Variants in PTK2B observed in about 807,000 individuals in gnomAD.
PTK2B encodes the protein protein-tyrosine kinase 2-beta.
A neutral mutation model predicts 142.9 loss-of-function variants in PTK2B; 71 were observed. That is an observed-to-expected ratio of 0.50 (90% CI 0.41 to 0.61). The LOEUF (loss-of-function observed/expected upper bound fraction) is 0.61, where lower values mean the gene tolerates loss of function less well. Among genes scored for constraint, PTK2B ranks in the 20% least tolerant of loss-of-function variants. The probability of loss-of-function intolerance (pLI) is 0.00; values close to 1 mark genes in which losing one functional copy is unlikely to be tolerated. For synonymous variants in PTK2B, 519 were observed against 503.4 expected (o/e 1.03, Z -0.42); for missense variants, 1,105 against 1,320.4 (o/e 0.84, Z 2.53).
At chr8:27,368,284 T>C (rs1228023697) in intron 1 of PTK2B, among the ~76,000 whole-genome samples, 1 of 152,180 alleles carries the variant, frequency 6.6e-6, no homozygotes, top group African/African-American at 2.4e-5. Context: ...GACCGAACCT[T>C]AGGCAGGCTC....
At chr8:27,327,060 G>A (rs4291226) in intron 1 of PTK2B, among the ~76,000 whole-genome samples, 36,649 of 152,068 alleles carry the variant, frequency 0.24, 4,855 homozygotes, top group Middle Eastern at 0.46. Flanking sequence ...ATTGAGAGCT[G>A]AAGGATGACT....
chr8:27,432,764 G>A (rs1422313714), intron 10 of PTK2B, among the ~76,000 whole-genome samples: 1 of 104,436 alleles, frequency 9.6e-6, no homozygotes, highest in Non-Finnish European at 2.1e-5. Flanking sequence ...GAGACCTCAG[G>A]CTGCATCTCT....
intron 1 of PTK2B, among the ~76,000 whole-genome samples, chr8:27,335,922 T>C (rs78711129): frequency 0.019 from 2,829 of 152,220 alleles, 43 homozygotes; most frequent in Middle Eastern, 0.027. Flanking sequence ...CTATCCAGGG[T>C]TGAAGTGAGA....
rs190509283 is a variant in PTK2B, at chr8:27,311,674, C to A, written c.-616C>A. ...TGGGAGAAACCAGAGATGCCAACTT[C>A]CTGCTTCCGAAGTAGTGGCTGGGTC... On this transcript the variant is annotated 5_prime_UTR_variant, in exon 1 of 36. Transcript: ENST00000397501. The A allele has an allele frequency of 8.4e-3, 1,560 of 186,014 alleles. 33 individuals are homozygous for A. Among genetic ancestry groups the A allele is most frequent in the African/African-American group, 0.034 (1,464 of 42,714 alleles). The allele number at this position is 186,014 out of a possible 1,614,324, so 11.5% of individuals were successfully genotyped here. A position where few individuals can be genotyped will look rare whatever the true frequency, so the allele number is the denominator to read the frequency against.
chr8:27,422,004 C>CA (rs1039042265), intron 4 of PTK2B, among the ~76,000 whole-genome samples: 2 of 152,196 alleles, frequency 1.3e-5, no homozygotes, highest in Non-Finnish European at 2.9e-5. Flanking sequence ...TGACTTCTTG[C>CA]AAAATCTCAG....
chr8:27,354,544 G>A (rs1159566748), intron 1 of PTK2B, among the ~76,000 whole-genome samples: 7 of 152,106 alleles, frequency 4.6e-5, no homozygotes, highest in East Asian at 3.9e-4. Flanking sequence ...TTTGATTTGC[G>A]GCCGGCAGGT....
At chr8:27,373,026 C>G (rs1806454595) in intron 1 of PTK2B, among the ~76,000 whole-genome samples, 2 of 152,140 alleles carry the variant, frequency 1.3e-5, no homozygotes, top group South Asian at 2.1e-4. Context: ...CAAGCATCAG[C>G]TGAACCCAAG....
At chr8:27,342,706 C>G (rs1804479354) in intron 1 of PTK2B, among the ~76,000 whole-genome samples, 1 of 152,218 alleles carries the variant, frequency 6.6e-6, no homozygotes, top group Non-Finnish European at 1.5e-5. Context: ...TCTGATCCCA[C>G]AGTCTTCTTC....
intron 19 of PTK2B, 21 bp downstream of exon 19, chr8:27,439,152 C>G: frequency 1.2e-6 from 2 of 1,606,988 alleles, no homozygotes; most frequent in Non-Finnish European, 1.7e-6. Context: ...TTCCCAGCCT[C>G]TGCATTGGCC....
Position 27,437,400 on chromosome 8 carries a change from C to G in PTK2B, c.1431C>G (p.Ile477Met), listed in dbSNP as rs1328258796. The G allele has an allele frequency of 3.7e-5, 59 of 1,611,426 alleles. No homozygotes were observed. Among genetic ancestry groups the G allele is most frequent in the Non-Finnish European group, 4.8e-5 (57 of 1,178,760 alleles). Residue 477 changes from isoleucine to methionine, a missense_variant, in exon 17 of 31, where the codon ATC (isoleucine) becomes ATG (methionine). By Grantham distance (10) the Ile-to-Met change is conservative. Coordinates refer to ENST00000346049, the MANE Select transcript of PTK2B (RefSeq NM_173176.3). ...NKEKFMSEAV[I>M]MKNLDHPHIV... is the part of the protein sequence containing the mutation. ...TCTTGCCCCACCACACTGCAGTGAT[C>G]ATGAAGAACCTCGACCACCCGCACA...
chr8:27,383,923 A>C (rs879501196), intron 1 of PTK2B, among the ~76,000 whole-genome samples: 1 of 147,704 alleles, frequency 6.8e-6, no homozygotes, highest in Non-Finnish European at 1.5e-5. Context: ...ATCTCGGCTC[A>C]CCACAACCTT....
chr8:27,326,385 G>A (rs1006157164), intron 1 of PTK2B, among the ~76,000 whole-genome samples: 11 of 152,148 alleles, frequency 7.2e-5, no homozygotes, highest in Middle Eastern at 3.2e-3. Flanking sequence ...GTGGGTGAGC[G>A]TGGAGCGGCA....
upstream of PTK2B, chr8:27,310,873 G>A (rs61747655): frequency 2.4e-3 from 3,798 of 1,612,590 alleles, 85 homozygotes; most frequent in African/African-American, 0.044. Context: ...CCTGGCAGGA[G>A]CAGCACAGCA....
chr8:27,439,427 A>G (rs1316586109), intron 20 of PTK2B, 29 bp downstream of exon 20: 1 of 1,591,746 alleles, frequency 6.3e-7, no homozygotes, highest in Non-Finnish European at 8.6e-7. Flanking sequence ...GGGCATGAAA[A>G]GGTGTTCAGA....
rs775713707 is a variant in PTK2B, at chr8:27,454,165, C to T, written c.2607C>T (p.Pro869=). 1.2e-6 allele frequency: 2 copies of T among 1,614,124 alleles called. No homozygotes were observed. Among genetic ancestry groups the T allele is most frequent in the Non-Finnish European group, 1.7e-6 (2 of 1,180,002 alleles). The change falls in exon 29 of 31, where the codon CCC becomes CCT. Residue 869 remains proline, a synonymous_variant. Transcript: ENST00000346049. ...CGTCTTCCCCTCAGTCCATCCAGCC[C>T]ACAGCTAACCTGGACCGGACTGATG... ...PPRLGAQSIQ[P]TANLDRTDDL...
intron 1 of PTK2B, among the ~76,000 whole-genome samples, chr8:27,331,588 GA>G (rs936786867): frequency 1.6e-4 from 24 of 152,150 alleles, no homozygotes; most frequent in African/African-American, 5.3e-4. Context: ...CTGGGTTCAA[GA>G]GATTCTCCTG....
intron 1 of PTK2B, among the ~76,000 whole-genome samples, chr8:27,374,871 C>T (rs922322460): frequency 2.6e-5 from 4 of 152,178 alleles, no homozygotes; most frequent in African/African-American, 9.7e-5. Flanking sequence ...TGCCCAAGTG[C>T]ACCAGATGCA....
At chr8:27,325,100 T>G (rs1803333453), upstream of PTK2B, among the ~76,000 whole-genome samples, 3 of 152,174 alleles carry the variant, frequency 2.0e-5, no homozygotes, top group Admixed American at 6.5e-5. Context: ...TGGGGCCACT[T>G]TAGGACATGG....
intron 1 of PTK2B, among the ~76,000 whole-genome samples, chr8:27,350,987 AAAAATATATATATATATATATAT>A (rs1231565170): frequency 5.8e-5 from 1 of 17,166 alleles, no homozygotes; most frequent in African/African-American, 2.4e-4. Context: ...AAAAAAAAAA[AAAAATATATATATATATATATAT>A]ATATATATAT....
Sources: gnomAD v4.1 joint callset for allele counts (sites outside exome capture counted in the v4.1 genomes callset) on GRCh38, gnomAD v4.1.1 for gene constraint, MANE v1.5 for transcripts, NCBI Gene and HGNC (gene_info 2026-07-23, HGNC 2026-07-21) for gene names.